Variants in RAD50 observed in about 807,000 individuals in gnomAD.
The protein encoded by RAD50 is RAD50 double strand break repair protein.
In RAD50, 132 loss-of-function variants were observed where a neutral mutation model predicts 168.8. The ratio of observed to expected loss-of-function variants is 0.78; its 90% confidence interval spans 0.68 to 0.90. RAD50 has a LOEUF of 0.90. Among genes scored for constraint, RAD50 ranks in the 40% least tolerant of loss-of-function variants. The pLI is 0.00. For synonymous variants in RAD50, 525 were observed against 497.4 expected (o/e 1.06, Z -0.74); for missense variants, 1,347 against 1,534.4 (o/e 0.88, Z 2.04).
At chr5:132,595,839 A>AT in intron 13 of RAD50, 29 bp downstream of exon 13, 1 of 1,545,832 alleles carries the variant, frequency 6.5e-7, no homozygotes, top group Non-Finnish European at 8.9e-7. Context: ...TTCACTGTAC[A>AT]TGTAGCAGCA....
intron 9 of RAD50, 81 bp downstream of exon 9, chr5:132,589,918 T>G (rs1750668961): frequency 8.0e-7 from 1 of 1,251,204 alleles, no homozygotes; most frequent in East Asian, 2.6e-5. Flanking sequence ...ATCCTAAGAT[T>G]ATAGCATTTT....
At chr5:132,575,977 G>T (rs373419754) in intron 3 of RAD50, 49 bp downstream of exon 3, 3 of 1,519,050 alleles carry the variant, frequency 2.0e-6, no homozygotes, top group East Asian at 2.3e-5. Context: ...CAGTCTTTTA[G>T]GTCTGTAAGT....
At chr5:132,621,173 G>A (rs1031095759) in intron 21 of RAD50, among the ~76,000 whole-genome samples, 2 of 152,132 alleles carry the variant, frequency 1.3e-5, no homozygotes, top group Non-Finnish European at 1.5e-5. Context: ...ACCATTATCA[G>A]TATCACCTTG....
chr5:132,579,134 A>C (rs1257652619), intron 3 of RAD50, among the ~76,000 whole-genome samples, 183 bp from the exon 4 acceptor site: 2 of 152,202 alleles, frequency 1.3e-5, no homozygotes, highest in African/African-American at 4.8e-5. Context: ...ATATCTTTTC[A>C]TCTGTGAACC....
At position 132,642,865 on chromosome 5, in the gene RAD50, C is replaced by T. The variant is rs763440364; in HGVS notation, c.*501C>T. The stretch of plus-strand genomic sequence containing the variant: ...TGGCTCTGCTTTTAACTTTATAAAT[C>T]CAGTGACCTCTCTCTCTGGGACTTG... On this transcript the variant is annotated 3_prime_UTR_variant, in exon 25 of 25. Coordinates refer to ENST00000378823, the MANE Select transcript of RAD50 (RefSeq NM_005732.4). 17 of 375,264 alleles carry T rather than the reference C, an allele frequency of 4.5e-5. No individual in the cohort carries two copies. Among genetic ancestry groups the T allele is most frequent in the Non-Finnish European group, 9.1e-5 (17 of 187,238 alleles). 23.2% of individuals were successfully genotyped at this position (375,264 alleles called of 1,614,324 possible).
Position 132,591,386 on chromosome 5 carries a change from G to A in RAD50, c.1615G>A (p.Glu539Lys). ...TCATACAACAACACGTACCCAAATG[G>A]AGATGCTGACCAAAGACAAAGTATG... is the stretch of plus-strand genomic sequence containing the variant. ...NHHTTTRTQM[E>K]MLTKDKADKD... The change falls in exon 10 of 25, where the codon GAG (glutamate) becomes AAG (lysine). Residue 539 changes from glutamate (E) to lysine (K), a missense_variant. By Grantham distance (56) the Glu-to-Lys change is moderately conservative. Coordinates refer to ENST00000378823, the MANE Select transcript of RAD50 (RefSeq NM_005732.4). 1 of 1,613,776 alleles carries A rather than the reference G, an allele frequency of 6.2e-7. No homozygotes were observed. Among genetic ancestry groups the A allele is most frequent in the Non-Finnish European group, 8.5e-7 (1 of 1,179,854 alleles).
Position 132,609,375 on chromosome 5 carries a change from A to T in RAD50, c.3015A>T (p.Arg1005Ser). 4 of 1,613,836 alleles carry T rather than the reference A, an allele frequency of 2.5e-6. No individual in the cohort carries two copies. Among genetic ancestry groups the T allele is most frequent in the African/African-American group, 1.3e-5 (1 of 75,040 alleles). Residue 1005 changes from arginine to serine, a missense_variant, in exon 19 of 25, where the codon AGA (arginine) becomes AGT (serine). By Grantham distance (110) the Arg-to-Ser change is moderately radical (BLOSUM62 -1). Transcript: ENST00000378823. ...EKINEDMRLM[R>S]QDIDTQKIQE... ...TAAATGAAGATATGAGACTCATGAG[A>T]CAAGATATTGATACACAGAAGGTAG...
At chr5:132,559,071 A>G (rs1345557007) in intron 1 of RAD50, among the ~76,000 whole-genome samples, 2 of 152,232 alleles carry the variant, frequency 1.3e-5, no homozygotes, top group Non-Finnish European at 2.9e-5. Flanking sequence ...CCAAGTAACA[A>G]TTCTTCATAT....
intron 21 of RAD50, among the ~76,000 whole-genome samples, chr5:132,632,903 T>C (rs1428170597): frequency 6.6e-6 from 1 of 152,188 alleles, no homozygotes; most frequent in East Asian, 1.9e-4. Context: ...AAGTTAAATG[T>C]CTTTTTGTAT....
Position 132,588,055 on chromosome 5 carries a change from C to G in RAD50, c.1017C>G (p.Leu339=). 1 of 1,612,740 alleles carries G rather than the reference C, an allele frequency of 6.2e-7. No homozygotes were observed. Among genetic ancestry groups the G allele is most frequent in the Non-Finnish European group, 8.5e-7 (1 of 1,179,032 alleles). ...AACTAAATAAAGAATCTAGGCTTCT[C>G]AATCAGGAAAAATCAGAACTGCTTG... is the stretch of plus-strand genomic sequence containing the variant. ...LEKLNKESRL[L]NQEKSELLVE... is the part of the protein sequence containing the mutation. The change falls in exon 7 of 25, where the codon CTC becomes CTG. Residue 339 remains leucine (L), a synonymous_variant. Coordinates refer to ENST00000378823, the MANE Select transcript of RAD50 (RefSeq NM_005732.4).
At chr5:132,615,738 T>A (rs1032222719) in intron 19 of RAD50, among the ~76,000 whole-genome samples, 1 of 152,174 alleles carries the variant, frequency 6.6e-6, no homozygotes, top group Non-Finnish European at 1.5e-5. Flanking sequence ...CATCAAACAG[T>A]AGACCTGGTT....
At chr5:132,629,180 A>G (rs1266052045) in intron 21 of RAD50, among the ~76,000 whole-genome samples, 2 of 152,312 alleles carry the variant, frequency 1.3e-5, no homozygotes, top group East Asian at 1.9e-4. Flanking sequence ...AGATTAGGCT[A>G]TAAGAGAAAA....
intron 21 of RAD50, among the ~76,000 whole-genome samples, chr5:132,619,819 T>TCTCTACTC (rs1751246234): frequency 1.8e-4 from 21 of 116,386 alleles, no homozygotes; most frequent in African/African-American, 9.3e-4. Flanking sequence ...TCTACTCCTC[T>TCTCTACTC]CTCTCTCTCT....
At position 132,587,990 on chromosome 5, in the gene RAD50, A is replaced by G. The variant is rs756701858; in HGVS notation, c.952A>G (p.Lys318Glu). The G allele has an allele frequency of 6.2e-7, 1 of 1,612,186 alleles. No individual in the cohort carries two copies. Among genetic ancestry groups the G allele is most frequent in the Admixed American group, 1.7e-5 (1 of 60,008 alleles). ...YHNHQRTVRE[K>E]ERKLVDCHRE... ...CAATCACCAGAGAACAGTAAGGGAG[A>G]AAGAAAGGAAATTGGTAGACTGTCA... Residue 318 changes from lysine (K) to glutamate (E), a missense_variant, in exon 7 of 25, where the codon AAA becomes GAA. Around this residue, in one of 3 missense-constraint regions of RAD50, gnomAD observed 703 missense variants for 767.7 expected, o/e 0.92. Coordinates refer to ENST00000378823, the MANE Select transcript of RAD50 (RefSeq NM_005732.4).
chr5:132,638,730 G>A (rs905151805), intron 23 of RAD50, among the ~76,000 whole-genome samples: 1 of 152,186 alleles, frequency 6.6e-6, no homozygotes, highest in Non-Finnish European at 1.5e-5. Flanking sequence ...CCCTACCACA[G>A]CATACACAAA....
At position 132,597,896 on chromosome 5, in the gene RAD50, T is replaced by C. The variant is rs1750818705; in HGVS notation, c.2207+2086T>C. Among the ~76,000 whole-genome samples the C allele has an allele frequency of 3.3e-5, 5 of 152,128 alleles. No individual in the cohort carries two copies. In the South Asian group the frequency reaches 8.3e-4, roughly 25 times the overall value. ...AAAAGGAAGGAGAGGAATAAGGTAG[T>C]ATCTTGAAAAGAAAAAGATCAAATG... On this transcript the variant is annotated intron_variant, in intron 13 of 24. Transcript: ENST00000378823.
chr5:132,594,612 C>A (rs1362270576), intron 11 of RAD50, among the ~76,000 whole-genome samples: 1 of 152,124 alleles, frequency 6.6e-6, no homozygotes, highest in East Asian at 1.9e-4. Context: ...GACCATGAAC[C>A]CCCAGAAACC....
chr5:132,646,260 T>C lies in RAD50; in HGVS notation c.*3896T>C, dbSNP rs1751847892. ...TCCAATCCAGATCTCTCCTAAATGC[T>C]TGACTGATATATTCAGCTGCCTGTG... On this transcript the variant is annotated 3_prime_UTR_variant, in exon 25 of 25. Transcript: ENST00000378823. The C allele has an allele frequency of 6.6e-6, 1 of 152,230 alleles. No individual in the cohort carries two copies. The allele number at this position is 152,230 out of a possible 1,614,324, so 9.4% of individuals were successfully genotyped here. A position where few individuals can be genotyped will look rare whatever the true frequency, so the allele number is the denominator to read the frequency against.
At chr5:132,588,906 G>C in intron 8 of RAD50, 26 bp downstream of exon 8, 1 of 1,586,876 alleles carries the variant, frequency 6.3e-7, no homozygotes, top group Non-Finnish European at 8.6e-7. Context: ...TACAGTATTT[G>C]TTATTTTGTT....
Sources: allele counts gnomAD v4.1 joint callset (sites outside exome capture counted in the v4.1 genomes callset), GRCh38; gene constraint gnomAD v4.1.1; regional missense constraint gnomAD v4.1.1; transcripts MANE v1.5; gene names NCBI Gene and HGNC (gene_info 2026-07-23, HGNC 2026-07-21).